The following ATP6V1A variants were observed in gnomAD, a reference collection of about 807,000 sequenced individuals.
ATP6V1A encodes V-type proton ATPase catalytic subunit A.
Under a neutral mutation model 70.1 loss-of-function variants are expected in ATP6V1A, and 18 were observed. The observed-to-expected ratio is 0.26, with a 90% CI of 0.18 to 0.38. ATP6V1A has a LOEUF of 0.38. Ranked by LOEUF, ATP6V1A falls within the 10% of genes least tolerant of loss-of-function variation. ATP6V1A has a pLI of 1.00. For synonymous variants in ATP6V1A, 232 were observed against 253.8 expected (o/e 0.91, Z 0.82); for missense variants, 424 against 772.4 (o/e 0.55, Z 5.35).
At chr3:113,768,855 C>G (rs1248955908) in intron 1 of ATP6V1A, among the ~76,000 whole-genome samples, 5 of 152,116 alleles carry the variant, frequency 3.3e-5, no homozygotes, top group Admixed American at 6.6e-5. Flanking sequence ...CTTGGCCTCC[C>G]AAAGTGCTGG....
chr3:113,749,829 G>A (rs1261482234), intron 1 of ATP6V1A, among the ~76,000 whole-genome samples: 4 of 152,152 alleles, frequency 2.6e-5, no homozygotes, highest in Non-Finnish European at 5.9e-5. Flanking sequence ...CTAAAGTTGT[G>A]CACTAAATGT....
intron 1 of ATP6V1A, among the ~76,000 whole-genome samples, chr3:113,766,272 ATC>A (rs72022407): frequency 0.36 from 54,511 of 151,024 alleles, 9,823 homozygotes; most frequent in African/African-American, 0.4. Flanking sequence ...AGCAGAGATC[ATC>A]TCTCTCTCTT....
intron 1 of ATP6V1A, among the ~76,000 whole-genome samples, chr3:113,759,091 C>T (rs1196507144): frequency 6.6e-6 from 1 of 152,116 alleles, no homozygotes; most frequent in African/African-American, 2.4e-5. Flanking sequence ...TATTTTCTCC[C>T]AGTCTTTACC....
At chr3:113,780,955 C>A (rs533098327) in intron 2 of ATP6V1A, 95 bp from the exon 3 acceptor site, 2 of 1,456,136 alleles carry the variant, frequency 1.4e-6, no homozygotes, top group East Asian at 4.8e-5. Flanking sequence ...ATGAGAGAGG[C>A]ACAATACTGG....
At chr3:113,787,341 A>AT (rs539020216) in intron 6 of ATP6V1A, among the ~76,000 whole-genome samples, 175 of 152,310 alleles carry the variant, frequency 1.1e-3, no homozygotes, top group African/African-American at 4.0e-3. Flanking sequence ...AGCAACATGA[A>AT]TACCTAACTT....
intron 1 of ATP6V1A, among the ~76,000 whole-genome samples, chr3:113,749,152 C>T (rs966368769): frequency 2.0e-5 from 3 of 152,036 alleles, no homozygotes; most frequent in Non-Finnish European, 4.4e-5. Flanking sequence ...TTAGGGAACT[C>T]GTGAAAGCAA....
chr3:113,771,599 G>A (rs1244937112), intron 1 of ATP6V1A, among the ~76,000 whole-genome samples: 6 of 151,716 alleles, frequency 4.0e-5, no homozygotes, highest in African/African-American at 1.2e-4. Flanking sequence ...CACCACACCC[G>A]GCTAATTTTT....
At chr3:113,797,968 A>G (rs1210663827) in intron 11 of ATP6V1A, among the ~76,000 whole-genome samples, 2 of 151,974 alleles carry the variant, frequency 1.3e-5, no homozygotes, top group Non-Finnish European at 1.5e-5. Flanking sequence ...CCCCATCTCT[A>G]CTAAAAGTAC....
At chr3:113,764,699 T>A (rs1001905442) in intron 1 of ATP6V1A, among the ~76,000 whole-genome samples, 1 of 152,152 alleles carries the variant, frequency 6.6e-6, no homozygotes, top group African/African-American at 2.4e-5. Flanking sequence ...TCAGGAAAAT[T>A]TCCTAAAAAT....
intron 6 of ATP6V1A, among the ~76,000 whole-genome samples, chr3:113,786,776 C>CT (rs200785807): frequency 0.031 from 4,446 of 142,746 alleles, 93 homozygotes; most frequent in Non-Finnish European, 0.044. Flanking sequence ...TCTTCTTCTT[C>CT]TTTTTTTTTT....
chr3:113,800,684 T>A (rs1225689120), intron 12 of ATP6V1A, among the ~76,000 whole-genome samples: 1 of 152,206 alleles, frequency 6.6e-6, no homozygotes, highest in Non-Finnish European at 1.5e-5. Context: ...TAAGAAAATA[T>A]CTTTGTGATC....
intron 1 of ATP6V1A, among the ~76,000 whole-genome samples, chr3:113,758,369 G>A (rs946683323): frequency 7.9e-5 from 12 of 152,124 alleles, no homozygotes; most frequent in African/African-American, 2.9e-4. Context: ...AATCAATATA[G>A]TGAACATATC....
At position 113,795,196 on chromosome 3, in the gene ATP6V1A, T is replaced by C. The variant is rs59874683; in HGVS notation, c.1218T>C (p.Ile406=). The C allele has an allele frequency of 3.1e-6, 5 of 1,613,936 alleles. No homozygotes were observed. Among genetic ancestry groups the C allele is most frequent in the Non-Finnish European group, 4.2e-6 (5 of 1,179,952 alleles). ...GNPEREGSVS[I]VGAVSPPGGD... is the part of the protein sequence containing the mutation. ...CTGAAAGAGAAGGGAGTGTCAGCAT[T>C]GTAGGAGCGTAAGCACCCACACTAT... is the stretch of plus-strand genomic sequence containing the variant. Residue 406 remains isoleucine (I), a synonymous_variant, in exon 10 of 15, where the codon ATT becomes ATC. Coordinates refer to ENST00000273398, the MANE Select transcript of ATP6V1A (RefSeq NM_001690.4).
At chr3:113,769,974 G>A (rs1708816435) in intron 1 of ATP6V1A, among the ~76,000 whole-genome samples, 1 of 152,122 alleles carries the variant, frequency 6.6e-6, no homozygotes, top group Admixed American at 6.6e-5. Context: ...TTTTCTATGA[G>A]TGCATCTGTG....
intron 1 of ATP6V1A, among the ~76,000 whole-genome samples, chr3:113,756,168 G>T (rs919667102): frequency 2.8e-4 from 42 of 152,136 alleles, no homozygotes; most frequent in African/African-American, 9.4e-4. Context: ...TAAGTGGTAG[G>T]GCTCAGGATT....
intron 8 of ATP6V1A, 81 bp downstream of exon 8, chr3:113,789,921 T>C: frequency 9.9e-7 from 1 of 1,011,032 alleles, no homozygotes; most frequent in East Asian, 2.4e-5. Context: ...AAAGAGCTTT[T>C]TACTTTCATT....
chr3:113,777,818 C>T (rs1708934022), intron 1 of ATP6V1A, among the ~76,000 whole-genome samples: 1 of 152,102 alleles, frequency 6.6e-6, no homozygotes, highest in Admixed American at 6.6e-5. Context: ...GCAGAGGGAA[C>T]AACCTGTACA....
chr3:113,770,105 G>A (rs1708818409), intron 1 of ATP6V1A, among the ~76,000 whole-genome samples: 1 of 151,818 alleles, frequency 6.6e-6, no homozygotes, highest in South Asian at 2.1e-4. Flanking sequence ...CTGGAGTGCA[G>A]TGGAGCAATC....
chr3:113,750,374 C>T (rs1708572582), intron 1 of ATP6V1A, among the ~76,000 whole-genome samples: 1 of 152,124 alleles, frequency 6.6e-6, no homozygotes, highest in South Asian at 2.1e-4. Context: ...GCCAGCTACT[C>T]AGGAGGCTGA....
Sources: gnomAD v4.1 joint callset for allele counts (sites outside exome capture counted in the v4.1 genomes callset) on GRCh38, gnomAD v4.1.1 for gene constraint, MANE v1.5 for transcripts, NCBI Gene and HGNC (gene_info 2026-07-23, HGNC 2026-07-21) for gene names.